CSMD2: variants seen among roughly 807,000 people sequenced by gnomAD.
CSMD2 encodes CUB and Sushi multiple domains 2.
CSMD2 carries 130 observed loss-of-function variants against 398.5 expected under a neutral mutation model. The ratio of observed to expected loss-of-function variants is 0.33; its 90% CI spans 0.28 to 0.38. The LOEUF is 0.38. CSMD2 is among the 10% of genes least tolerant of loss of function. The pLI, the probability that CSMD2 is intolerant of heterozygous loss-of-function variation, is 1.00. For synonymous variants in CSMD2, 1,828 were observed against 1,908.5 expected, an observed-to-expected ratio of 0.96 and a Z score of 1.10; for missense variants, 3,829 against 4,764.9, an observed-to-expected ratio of 0.80 and a Z score of 5.78.
At chr1:34,084,566 G>T (rs953507512) in intron 2 of CSMD2, among the ~76,000 whole-genome samples, 2 of 151,974 alleles carry the variant, frequency 1.3e-5, no homozygotes, top group Non-Finnish European at 2.9e-5. Context: ...AAAAGTGGGC[G>T]AAGGACATGA....
chr1:33,678,398 C>T (rs1367132899), intron 25 of CSMD2, among the ~76,000 whole-genome samples: 1 of 151,924 alleles, frequency 6.6e-6, no homozygotes, highest in Non-Finnish European at 1.5e-5. Flanking sequence ...ATTTCACTTG[C>T]CTTCTGACTG....
At chr1:33,569,047 G>A (rs1659328825) in intron 52 of CSMD2, among the ~76,000 whole-genome samples, 2 of 152,204 alleles carry the variant, frequency 1.3e-5, no homozygotes, top group Non-Finnish European at 2.9e-5. Context: ...TTACAGGAAT[G>A]CGTCTGCAAA....
chr1:33,652,806 T>C (rs986573537), intron 27 of CSMD2, among the ~76,000 whole-genome samples: 5 of 152,228 alleles, frequency 3.3e-5, no homozygotes, highest in Non-Finnish European at 5.9e-5. Context: ...CCAGGCTGGA[T>C]TGCAGTAGCG....
At chr1:33,588,593 C>G (rs1639236422) in intron 44 of CSMD2, among the ~76,000 whole-genome samples, 1 of 152,028 alleles carries the variant, frequency 6.6e-6, no homozygotes, top group South Asian at 2.1e-4. Flanking sequence ...GTAATTAAGA[C>G]AAAATAAAAT....
chr1:33,960,266 C>T (rs1189693343), intron 3 of CSMD2, among the ~76,000 whole-genome samples: 1 of 152,204 alleles, frequency 6.6e-6, no homozygotes, highest in African/African-American at 2.4e-5. Context: ...CAGACCACCT[C>T]CTCTGTGCTG....
intron 6 of CSMD2, among the ~76,000 whole-genome samples, chr1:33,843,206 C>A (rs1661029258): frequency 1.3e-5 from 2 of 152,112 alleles, no homozygotes; most frequent in Admixed American, 1.3e-4. Flanking sequence ...AGTAATGTCA[C>A]CCCAAAATGC....
intron 21 of CSMD2, among the ~76,000 whole-genome samples, chr1:33,711,854 T>C (rs2149161433): frequency 6.6e-6 from 1 of 152,298 alleles, no homozygotes; most frequent in East Asian, 1.9e-4. Context: ...GCTTTAGATG[T>C]GGCCAGTCCT....
chr1:34,085,761 AT>A (rs1232655883), intron 2 of CSMD2, among the ~76,000 whole-genome samples: 3 of 152,162 alleles, frequency 2.0e-5, no homozygotes, highest in Non-Finnish European at 2.9e-5. Context: ...CATTTTATTT[AT>A]AAACAGACTT....
chr1:33,935,994 G>A, intron 3 of CSMD2, 40 bp from the exon 4 acceptor site: 1 of 1,561,494 alleles, frequency 6.4e-7, no homozygotes, highest in Non-Finnish European at 8.7e-7. Flanking sequence ...TACCCCGTGA[G>A]CTGGGCTGGA....
intron 48 of CSMD2, among the ~76,000 whole-genome samples, chr1:33,577,888 G>A (rs1396753360): frequency 6.6e-6 from 1 of 152,260 alleles, no homozygotes; most frequent in Non-Finnish European, 1.5e-5. Flanking sequence ...GTGAGGGCTG[G>A]GCTCCAGTCC....
rs114358213 is a variant in CSMD2 at position 34,164,817 on chromosome 1, G to T, written c.187+94C>A. 2 of 1,066,520 alleles carry T rather than the reference G, an allele frequency of 1.9e-6. No homozygotes were observed. The highest frequency in any genetic ancestry group is 2.4e-6 in the Non-Finnish European group (2 of 848,316). The allele number at this position is 1,066,520 out of a possible 1,614,324, so 66.1% of individuals were successfully genotyped here. A position where few individuals can be genotyped will look rare whatever the true frequency, so the allele number is the denominator to read the frequency against. On this transcript the variant is annotated intron_variant, in intron 1 of 70. Transcript: ENST00000373381. The surrounding 1 kb of genome is among the most constrained non-coding windows in gnomAD (Gnocchi z 6.2). ...GGAGATTCAGGCAGGGATAGAGGCG[G>T]GGGGAGGGACTGGGACCGGGTCGAG...
intron 46 of CSMD2, among the ~76,000 whole-genome samples, chr1:33,584,449 ATCATGAG>A: frequency 6.6e-6 from 1 of 152,128 alleles, no homozygotes; most frequent in African/African-American, 2.4e-5. Flanking sequence ...GGGCGGGTGA[ATCATGAG>A]GTCAAGAACT....
At chr1:33,707,459 T>C (rs1645824817) in intron 22 of CSMD2, among the ~76,000 whole-genome samples, 2 of 152,014 alleles carry the variant, frequency 1.3e-5, no homozygotes, top group South Asian at 2.1e-4. Context: ...CCTAAAGACA[T>C]GGTTATTGGA....
intron 37 of CSMD2, among the ~76,000 whole-genome samples, chr1:33,619,493 T>A: frequency 6.6e-6 from 1 of 152,224 alleles, no homozygotes; most frequent in East Asian, 1.9e-4. Flanking sequence ...GAGACTCTGA[T>A]AACTACATGT....
intron 67 of CSMD2, among the ~76,000 whole-genome samples, chr1:33,522,391 C>A (rs1413978099): frequency 6.6e-6 from 1 of 152,224 alleles, no homozygotes; most frequent in East Asian, 1.9e-4. Context: ...AACTTTGACC[C>A]TCCTGGATGG....
At chr1:34,020,745 T>C (rs1648762665) in intron 3 of CSMD2, among the ~76,000 whole-genome samples, 1 of 152,128 alleles carries the variant, frequency 6.6e-6, no homozygotes, top group South Asian at 2.1e-4. Flanking sequence ...ATCTGTAAAA[T>C]GGGGATCCTA....
At position 33,816,746 on chromosome 1, in the gene CSMD2, C is replaced by T. The variant is rs1209720016; in HGVS notation, c.1324+2967G>A. Among the ~76,000 whole-genome samples, 5 of 152,076 alleles carry T rather than the reference C, an allele frequency of 3.3e-5. No homozygotes were observed. In the South Asian group the frequency reaches 6.2e-4, roughly 19 times the overall value. On this transcript the variant is annotated intron_variant, in intron 9 of 70. Coordinates refer to ENST00000373381, the MANE Select transcript of CSMD2 (RefSeq NM_001281956.2). Reference sequence around the variant, plus strand: ...GGGAAAGAAAAGAAAGGCCTGTGAACGCCTAATTTCATATCTCAAAATGAG... The same window carrying T: ...GGGAAAGAAAAGAAAGGCCTGTGAATGCCTAATTTCATATCTCAAAATGAG...
rs770895230 is a variant in CSMD2 at position 33,567,837 on chromosome 1, A to T, written c.8136T>A (p.Thr2712=). 1.9e-6 allele frequency: 3 copies of T among 1,575,136 alleles called. No individual in the cohort carries two copies. In the East Asian group the frequency reaches 7.1e-5, roughly 37 times the overall value. Reference sequence around the variant, plus strand: ...AGAAAATGGAGTGGAGCTTGGTCTGAGTGGCTAGAGACAGGGATGGTGGGG... The same window carrying T: ...AGAAAATGGAGTGGAGCTTGGTCTGTGTGGCTAGAGACAGGGATGGTGGGG... ...WSGSEVRCLA[T]QTKLHSIFYK... Residue 2712 remains threonine, a synonymous_variant, in exon 53 of 71, where the codon ACT becomes ACA. Transcript: ENST00000373381.
At chr1:33,996,243 T>C (rs1187859642) in intron 3 of CSMD2, among the ~76,000 whole-genome samples, 1 of 152,174 alleles carries the variant, frequency 6.6e-6, no homozygotes, top group African/African-American at 2.4e-5. Context: ...TGCCACACTT[T>C]CCTTCTGCCC....
Sources: allele counts gnomAD v4.1 joint callset (sites outside exome capture counted in the v4.1 genomes callset), GRCh38; gene constraint gnomAD v4.1.1; non-coding constraint Gnocchi (gnomAD v3.1); transcripts MANE v1.5; gene names NCBI Gene and HGNC (gene_info 2026-07-23, HGNC 2026-07-21).